MAP1S: variants seen among roughly 807,000 people sequenced by gnomAD.
The protein encoded by MAP1S is microtubule associated protein 1S.
Under a neutral mutation model 60.9 loss-of-function variants are expected in MAP1S, and 27 were observed. The ratio of observed to expected loss-of-function variants is 0.44; its 90% confidence interval spans 0.33 to 0.61. MAP1S has a LOEUF of 0.61. Ranked by LOEUF, MAP1S falls within the 20% of genes least tolerant of loss-of-function variation. MAP1S has a pLI of 0.03. For synonymous variants in MAP1S, 826 were observed against 694.2 expected, an observed-to-expected ratio of 1.19 and a Z score of -2.98; for missense variants, 1,608 against 1,486.6, an observed-to-expected ratio of 1.08 and a Z score of -1.34.
At chr19:17,730,428 C>G (rs35897150) in intron 5 of MAP1S, among the ~76,000 whole-genome samples, 31,242 of 152,196 alleles carry the variant, frequency 0.21, 4,176 homozygotes, top group Non-Finnish European at 0.29. Flanking sequence ...ATCCTCCCAG[C>G]TCAGCCTCCC....
In MAP1S at chr19:17,727,473, TC is replaced by T; in HGVS notation, c.2092del (p.Leu698CysfsTer20). The T allele has an allele frequency of 6.2e-7, 1 of 1,609,082 alleles. No individual in the cohort carries two copies. The highest frequency in any genetic ancestry group is 8.5e-7 in the Non-Finnish European group (1 of 1,178,308). ...GSPHSTEVDESLSVSFEQVLP... is the reference protein window; with the variant it reads ...GSPHSTEVDEXLSVSFEQVLP... The stretch of plus-strand genomic sequence containing the variant: ...CCCGCACTCGACCGAGGTGGACGAG[TC>T]CCTGTCGGTGTCCTTTGAGCAGGTG... On this transcript the variant is annotated frameshift_variant, in exon 5 of 7. Coordinates refer to ENST00000324096, the MANE Select transcript of MAP1S (RefSeq NM_018174.6). LOFTEE classifies it high-confidence loss of function. This position sits in a 1 kb window ranked among gnomAD's most constrained non-coding sequence, Gnocchi z 4.1.
chr19:17,727,087 C>A lies in MAP1S; in HGVS notation c.1703C>A (p.Thr568Lys). Reference protein sequence around the residue: ...AAPKPRKAPSTSHSGFPPVAN... With the variant: ...AAPKPRKAPSKSHSGFPPVAN... ...CCCAAGCCCCGCAAAGCGCCCAGCA[C>A]GTCCCACTCTGGCTTCCCGCCGGTG... is the stretch of plus-strand genomic sequence containing the variant. The change falls in exon 5 of 7, where the codon ACG (threonine) becomes AAG (lysine). Residue 568 changes from threonine to lysine, a missense_variant. Thr to Lys is a moderately conservative substitution (Grantham distance 78). Transcript: ENST00000324096. This position sits in a 1 kb window ranked among gnomAD's most constrained non-coding sequence, Gnocchi z 4.1. 2 of 1,604,116 alleles carry A rather than the reference C, an allele frequency of 1.2e-6. No individual in the cohort carries two copies. The highest frequency in any genetic ancestry group is 1.1e-5 in the South Asian group (1 of 90,012).
rs2080405862 is a variant in MAP1S at position 17,725,115 on chromosome 19, G to A, written c.370G>A (p.Glu124Lys). 6.2e-7 allele frequency: 1 copy of A among 1,614,040 alleles called. No individual in the cohort carries two copies. The highest frequency in any genetic ancestry group is 1.3e-5 in the African/African-American group (1 of 74,902). ...LLVLAGPCLE[E>K]TGELLLQTGG... Reference sequence around the variant, plus strand: ...GGTGTTGGCTGGGCCCTGCCTGGAGGAGACGGGGGAGCTGCTGCTACAGAC... The same window carrying A: ...GGTGTTGGCTGGGCCCTGCCTGGAGAAGACGGGGGAGCTGCTGCTACAGAC... Residue 124 changes from glutamate to lysine, a missense_variant, in exon 4 of 7, where the codon GAG (glutamate) becomes AAG (lysine). Physicochemically the swap from Glu to Lys is moderately conservative, Grantham distance 56. Coordinates refer to ENST00000324096, the MANE Select transcript of MAP1S (RefSeq NM_018174.6). This position sits in a 1 kb window ranked among gnomAD's most constrained non-coding sequence, Gnocchi z 4.2.
chr19:17,720,992 G>A lies in MAP1S; in HGVS notation c.175G>A (p.Val59Ile), dbSNP rs756968150. ...CTGCAACCTTGATGAACAGCTCAAG[G>A]TCTTTGTGTCCCGACACTCTGCCAC... The part of the protein sequence containing the change: ...GVCNLDEQLK[V>I]FVSRHSATFS... Residue 59 changes from valine to isoleucine, a missense_variant, in exon 2 of 7, where the codon GTC (valine) becomes ATC (isoleucine). Transcript: ENST00000324096. 1.4e-5 allele frequency: 23 copies of A among 1,614,006 alleles called. No homozygotes were observed. The East Asian group carries it at 4.7e-4, about 33-fold the overall frequency.
rs1400533729 is a variant in MAP1S, at chr19:17,727,710, G to A, written c.2326G>A (p.Gly776Arg). Residue 776 changes from glycine (G) to arginine (R), a missense_variant, in exon 5 of 7, where the codon GGG becomes AGG. Physicochemically the swap from Gly to Arg is moderately radical, Grantham distance 125 (BLOSUM62 -2). Transcript: ENST00000324096. This position sits in a 1 kb window ranked among gnomAD's most constrained non-coding sequence, Gnocchi z 4.1. ...TGCCCGGTCACAGGAACGGGCAGGT[G>A]GGCTGGGGGCCGAGGAGACGCCACC... is the stretch of plus-strand genomic sequence containing the variant. ...SSARSQERAG[G>R]LGAEETPPTS... 1 of 1,607,860 alleles carries A rather than the reference G, an allele frequency of 6.2e-7. No individual in the cohort carries two copies. Among genetic ancestry groups the A allele is most frequent in the Non-Finnish European group, 8.5e-7 (1 of 1,178,066 alleles).
rs1414412142 is a variant in MAP1S, at chr19:17,726,085, G to A, written c.701G>A (p.Gly234Asp). ...CTGCTGGAGCCCCCGACCTCCGGGG[G>A]CTTCCTCAGGCTGGGCCGGCCCTGC... ...FELLEPPTSG[G>D]FLRLGRPCCY... is the part of the protein sequence containing the mutation. The change falls in exon 5 of 7, where the codon GGC (glycine) becomes GAC (aspartate). Residue 234 changes from glycine to aspartate, a missense_variant. By Grantham distance (94) the Gly-to-Asp change is moderately conservative. Coordinates refer to ENST00000324096, the MANE Select transcript of MAP1S (RefSeq NM_018174.6). The A allele has an allele frequency of 1.9e-6, 3 of 1,613,790 alleles. No homozygotes were observed. The highest frequency in any genetic ancestry group is 1.7e-5 in the Admixed American group (1 of 60,022).
Position 17,726,711 on chromosome 19 carries a change from G to A in MAP1S, c.1327G>A (p.Asp443Asn), listed in dbSNP as rs758479385. Residue 443 changes from aspartate (D) to asparagine (N), a missense_variant, in exon 5 of 7, where the codon GAC (aspartate) becomes AAC (asparagine). Physicochemically the swap from Asp to Asn is conservative, Grantham distance 23. Transcript: ENST00000324096. ...TTGCACCCCGCCCGCCTGCCTCCTGGACGGCCTGGTCCGCCTGCAGCACTT... is the reference window on the plus strand; with the variant it reads ...TTGCACCCCGCCCGCCTGCCTCCTGAACGGCCTGGTCCGCCTGCAGCACTT... Reference protein sequence around the residue: ...PGCTPPACLLDGLVRLQHLRF... With the variant: ...PGCTPPACLLNGLVRLQHLRF... 6.3e-7 allele frequency: 1 copy of A among 1,591,910 alleles called. No homozygotes were observed. Among genetic ancestry groups the A allele is most frequent in the Admixed American group, 1.7e-5 (1 of 58,042 alleles).
chr19:17,720,599 C>A, intron 1 of MAP1S: 2 of 1,250,270 alleles, frequency 1.6e-6, no homozygotes, highest in Non-Finnish European at 2.1e-6. Context: ...CAGGTGGGGG[C>A]GGCAGGGGGA....
chr19:17,723,554 A>G (rs981463396), intron 2 of MAP1S, among the ~76,000 whole-genome samples: 1 of 151,010 alleles, frequency 6.6e-6, no homozygotes, highest in African/African-American at 2.4e-5. Flanking sequence ...GTCTCAAAAA[A>G]AAAGAAAAGA....
rs761308069 is a variant in MAP1S, at chr19:17,728,071, G to A, written c.2687G>A (p.Ser896Asn). The change falls in exon 5 of 7, where the codon AGC becomes AAC. Residue 896 changes from serine (S) to asparagine (N), a missense_variant. Physicochemically the swap from Ser to Asn is conservative, Grantham distance 46. This residue lies in a region of MAP1S where 1,167 missense variants were observed against 961.4 expected (regional missense o/e 1.21). Coordinates refer to ENST00000324096, the MANE Select transcript of MAP1S (RefSeq NM_018174.6). Reference protein sequence around the residue: ...TKGLAGGDRASRPLSARSEPS... With the variant: ...TKGLAGGDRANRPLSARSEPS... ...GGGCTTGCTGGTGGGGACCGTGCCA[G>A]CCGACCACTCAGTGCCCGGAGTGAG... is the stretch of plus-strand genomic sequence containing the variant. 2 of 1,612,692 alleles carry A rather than the reference G, an allele frequency of 1.2e-6. No individual in the cohort carries two copies. The highest frequency in any genetic ancestry group is 1.7e-6 in the Non-Finnish European group (2 of 1,179,910).
At chr19:17,722,220 A>G (rs2080376706) in intron 2 of MAP1S, among the ~76,000 whole-genome samples, 1 of 152,144 alleles carries the variant, frequency 6.6e-6, no homozygotes, top group Non-Finnish European at 1.5e-5. Flanking sequence ...GGGAGGTCAA[A>G]GTGGGAGGAT....
At chr19:17,720,404 TAGAC>T (rs1163637031) in intron 1 of MAP1S, 4 of 1,534,940 alleles carry the variant, frequency 2.6e-6, no homozygotes, top group Non-Finnish European at 2.6e-6. Context: ...GCCGGGATGA[TAGAC>T]AGGTTCAGCC....
intron 5 of MAP1S, 90 bp from the exon 6 acceptor site, chr19:17,733,103 C>T (rs2080506033): frequency 1.2e-6 from 1 of 811,074 alleles, no homozygotes; most frequent in Non-Finnish European, 1.9e-6. Context: ...GAGGAGGGAG[C>T]TGCTCTGAGT....
chr19:17,720,262 G>T (rs1442492146), intron 1 of MAP1S: 4 of 1,397,662 alleles, frequency 2.9e-6, no homozygotes, highest in East Asian at 2.9e-5. Context: ...CCCATCCCTC[G>T]GAGCATCTGG....
At position 17,726,941 on chromosome 19, in the gene MAP1S, C is replaced by G. The variant is rs776294316; in HGVS notation, c.1557C>G (p.Ala519=). 1 of 1,572,052 alleles carries G rather than the reference C, an allele frequency of 6.4e-7. No individual in the cohort carries two copies. The highest frequency in any genetic ancestry group is 1.9e-5 in the Admixed American group (1 of 53,112). Residue 519 remains alanine (A), a synonymous_variant, in exon 5 of 7, where the codon GCC becomes GCG. Transcript: ENST00000324096. ...AEAPRKTEKE[A]KTPRELKKDP... ...CCCCACGCAAGACTGAGAAAGAAGC[C>G]AAGACCCCCCGGGAGTTGAAGAAAG...
intron 5 of MAP1S, among the ~76,000 whole-genome samples, chr19:17,731,745 A>C (rs1485462514): frequency 6.6e-6 from 1 of 152,244 alleles, no homozygotes; most frequent in African/African-American, 2.4e-5. Flanking sequence ...AGCTCACTGC[A>C]ACCTCCACTT....
At chr19:17,730,928 T>C (rs925359723) in intron 5 of MAP1S, among the ~76,000 whole-genome samples, 1 of 151,188 alleles carries the variant, frequency 6.6e-6, no homozygotes, top group African/African-American at 2.4e-5. Context: ...TCTGGCTCTG[T>C]TGCCCAGGCT....
Position 17,726,323 on chromosome 19 carries a change from C to A in MAP1S, c.939C>A (p.Ser313=). 6.2e-7 allele frequency: 1 copy of A among 1,604,186 alleles called. No homozygotes were observed. The highest frequency in any genetic ancestry group is 1.7e-5 in the Admixed American group (1 of 59,632). The change falls in exon 5 of 7, where the codon TCC becomes TCA. Residue 313 remains serine, a synonymous_variant. Coordinates refer to ENST00000324096, the MANE Select transcript of MAP1S (RefSeq NM_018174.6). ...SLLRRKLAER[S]EVAAGGGSWD... ...TGCGGCGCAAACTGGCGGAGCGCTC[C>A]GAGGTGGCTGCTGGTGGGGGCTCCT...
Position 17,726,947 on chromosome 19 carries a change from C to G in MAP1S, c.1563C>G (p.Thr521=). 1 of 1,572,538 alleles carries G rather than the reference C, an allele frequency of 6.4e-7. No homozygotes were observed. The highest frequency in any genetic ancestry group is 8.6e-7 in the Non-Finnish European group (1 of 1,159,702). ...APRKTEKEAK[T]PRELKKDPKP... ...GCAAGACTGAGAAAGAAGCCAAGAC[C>G]CCCCGGGAGTTGAAGAAAGACCCCA... Residue 521 remains threonine (T), a synonymous_variant, in exon 5 of 7, where the codon ACC becomes ACG. Coordinates refer to ENST00000324096, the MANE Select transcript of MAP1S (RefSeq NM_018174.6).
Sources: gnomAD v4.1 joint callset for allele counts (sites outside exome capture counted in the v4.1 genomes callset) on GRCh38, gnomAD v4.1.1 for gene constraint, gnomAD v4.1.1 regional missense constraint, Gnocchi (gnomAD v3.1) non-coding constraint, MANE v1.5 for transcripts, NCBI Gene and HGNC (gene_info 2026-07-23, HGNC 2026-07-21) for gene names.